The following HHLA1 variants were observed in gnomAD, a reference collection of about 807,000 sequenced individuals.
The protein encoded by HHLA1 is HHLA1 neighbor of OC90, also known as HERV-H LTR-associating protein 1.
Under a neutral mutation model 69.9 loss-of-function variants are expected in HHLA1, and 72 were observed. That is an observed-to-expected ratio of 1.03 (90% CI 0.85 to 1.25). HHLA1 has a LOEUF of 1.25. HHLA1 is among the 50% of genes most tolerant of loss of function. The pLI, the probability that HHLA1 is intolerant of heterozygous loss-of-function variation, is 0.00. For missense variants in HHLA1, 685 were observed against 642.2 expected (o/e 1.07, Z -0.72); for synonymous variants, 252 against 233.2 (o/e 1.08, Z -0.73).
rs115713540 is a variant in HHLA1, at chr8:132,089,929, G to C, written c.449-330C>G. Among the ~76,000 whole-genome samples the C allele has an allele frequency of 4.2e-3, 637 of 152,128 alleles. 3 individuals are homozygous for C. The highest frequency in any genetic ancestry group is 0.015 in the African/African-American group (613 of 41,502). Reference sequence around the variant, plus strand: ...TCTGGCGGCTTTTCCCCATTGTTTCGTCTAATTGTTTTTAGAATGCCAACT... The same window carrying C: ...TCTGGCGGCTTTTCCCCATTGTTTCCTCTAATTGTTTTTAGAATGCCAACT... On this transcript the variant is annotated intron_variant, in intron 7 of 16. Coordinates refer to ENST00000414222, the MANE Select transcript of HHLA1 (RefSeq NM_001145095.3).
chr8:132,068,496 G>C (rs890270647), intron 15 of HHLA1, among the ~76,000 whole-genome samples: 4 of 152,200 alleles, frequency 2.6e-5, no homozygotes, highest in Non-Finnish European at 4.4e-5. Flanking sequence ...GACTGGAAGA[G>C]GCATTTCCTT....
In HHLA1 at chr8:132,071,449, G is replaced by A. The variant is rs1206643627; in HGVS notation, c.1360C>T (p.Pro454Ser). 5 of 1,551,534 alleles carry A rather than the reference G, an allele frequency of 3.2e-6. No individual in the cohort carries two copies. The African/African-American group carries it at 6.8e-5, about 21-fold the overall frequency. Reference sequence around the variant, plus strand: ...AGCCTCTGAATAGCCAGGGTGAGAGGAGCAGCTGCCATAGCTCCCACCTTG... The same window carrying A: ...AGCCTCTGAATAGCCAGGGTGAGAGAAGCAGCTGCCATAGCTCCCACCTTG... Reference protein sequence around the residue: ...LFKVGAMAAAPLTLAIQRLNP... With the variant: ...LFKVGAMAAASLTLAIQRLNP... The change falls in exon 15 of 17, where the codon CCT (proline) becomes TCT (serine). Residue 454 changes from proline to serine, a missense_variant. Coordinates refer to ENST00000414222, the MANE Select transcript of HHLA1 (RefSeq NM_001145095.3).
rs759379935 is a variant in HHLA1, at chr8:132,077,877, C to T, written c.1020G>A (p.Glu340=). The change falls in exon 12 of 17, where the codon GAG becomes GAA. Residue 340 remains glutamate, a synonymous_variant. Transcript: ENST00000414222. ...CCCAGAGAGACCCTCCAGGTTTTTT[C>T]TCACTGATGGTCTGAGCCCAGGGCA... ...SSVPWAQTIS[E]KKPGGSLWET... is the part of the protein sequence containing the mutation. The T allele has an allele frequency of 3.9e-6, 6 of 1,551,420 alleles. No individual in the cohort carries two copies. The Admixed American group carries it at 9.8e-5, about 25-fold the overall frequency.
chr8:132,088,118 G>A (rs1180259120), intron 8 of HHLA1, among the ~76,000 whole-genome samples: 1 of 152,134 alleles, frequency 6.6e-6, no homozygotes, highest in African/African-American at 2.4e-5. Context: ...AGTCTCTGAG[G>A]TCAGCTTCTA....
intron 1 of HHLA1, among the ~76,000 whole-genome samples, chr8:132,108,398 TAG>T (rs1363880318): frequency 6.6e-6 from 1 of 152,186 alleles, no homozygotes; most frequent in African/African-American, 2.4e-5. Flanking sequence ...CTTCATATGA[TAG>T]AGTGAGTCCT....
In HHLA1 at chr8:132,089,592, T is replaced by C; in HGVS notation, c.456A>G (p.Thr152=). The change falls in exon 8 of 17, where the codon ACA becomes ACG. Residue 152 remains threonine, a synonymous_variant. Transcript: ENST00000414222. ...NNRTNDLSDF[T]ALLVDIIGNS... is the part of the protein sequence containing the mutation. ...TGCCGATGATATCTACCAGTAGAGC[T>C]GTAAAATCTGCAAGACAAATTTAGG... 6.8e-7 allele frequency: 1 copy of C among 1,474,958 alleles called. No homozygotes were observed. Among genetic ancestry groups the C allele is most frequent in the South Asian group, 1.2e-5 (1 of 82,458 alleles). The allele number at this position is 1,474,958 out of a possible 1,614,324, so 91.4% of individuals were successfully genotyped here.
chr8:132,068,489 T>G (rs1823477464), intron 15 of HHLA1, among the ~76,000 whole-genome samples: 2 of 152,246 alleles, frequency 1.3e-5, no homozygotes, highest in Non-Finnish European at 1.5e-5. Flanking sequence ...TCACATGGAC[T>G]GGAAGAGGCA....
intron 15 of HHLA1, among the ~76,000 whole-genome samples, chr8:132,069,302 C>G (rs138070906): frequency 1.3e-5 from 2 of 152,306 alleles, no homozygotes; most frequent in African/African-American, 4.8e-5. Flanking sequence ...TGCTACAGCA[C>G]TTGTCAGCTG....
intron 10 of HHLA1, chr8:132,085,503 G>C (rs1440986167): frequency 5.5e-6 from 2 of 365,680 alleles, no homozygotes; most frequent in Non-Finnish European, 1.1e-5. Flanking sequence ...GGAGGACGGG[G>C]ATTGATTTCC....
At chr8:132,067,115 G>T (rs1823454139) in intron 15 of HHLA1, among the ~76,000 whole-genome samples, 1 of 152,190 alleles carries the variant, frequency 6.6e-6, no homozygotes, top group South Asian at 2.1e-4. Flanking sequence ...AGCACAGAGG[G>T]CAATGGCCTT....
chr8:132,084,911 G>A (rs369000148), intron 10 of HHLA1, among the ~76,000 whole-genome samples: 31 of 152,050 alleles, frequency 2.0e-4, no homozygotes, highest in Middle Eastern at 6.9e-3. Flanking sequence ...AGGACTTGCC[G>A]CTAAGGGTGA....
intron 10 of HHLA1, chr8:132,080,650 G>A (rs933887515): frequency 4.1e-4 from 63 of 154,936 alleles, no homozygotes; most frequent in African/African-American, 1.4e-3. Flanking sequence ...GCAAGTCACA[G>A]GGGTTGCGAT....
At chr8:132,090,305 G>C (rs1439803547) in intron 7 of HHLA1, among the ~76,000 whole-genome samples, 1 of 152,162 alleles carries the variant, frequency 6.6e-6, no homozygotes, top group Non-Finnish European at 1.5e-5. Flanking sequence ...TCAAACAGCT[G>C]TCATCTCCTT....
intron 3 of HHLA1, 69 bp from the exon 4 acceptor site, chr8:132,100,203 G>A (rs774798178): frequency 3.4e-6 from 4 of 1,160,766 alleles, no homozygotes; most frequent in South Asian, 1.3e-5. Flanking sequence ...AATGGAAGAA[G>A]CCTTGGAAGC....
In HHLA1 at chr8:132,063,947, G is replaced by A. The variant is rs763523089; in HGVS notation, c.*48C>T. ...CTTGGGACAAGAGCCAGGGTGGATG[G>A]CGTATCCCCTGAAGTAATTGTTATG... On this transcript the variant is annotated 3_prime_UTR_variant, in exon 17 of 17. Transcript: ENST00000414222. The A allele has an allele frequency of 1.4e-5, 15 of 1,110,694 alleles. No homozygotes were observed. The highest frequency in any genetic ancestry group is 1.8e-5 in the Non-Finnish European group (15 of 823,938). 68.8% of individuals were successfully genotyped at this position (1,110,694 alleles called of 1,614,324 possible).
At chr8:132,077,697 G>A (rs1823667883) in intron 12 of HHLA1, 29 bp downstream of exon 12, 7 of 1,541,516 alleles carry the variant, frequency 4.5e-6, no homozygotes, top group South Asian at 1.2e-5. Context: ...TTTAAAACGG[G>A]AGAGGTAGAA....
intron 16 of HHLA1, 142 bp downstream of exon 16, chr8:132,065,744 C>T (rs1296177226): frequency 2.6e-6 from 1 of 383,820 alleles, no homozygotes; most frequent in East Asian, 7.4e-5. Flanking sequence ...AAGAAAAATC[C>T]TAGGTGCTCT....
intron 14 of HHLA1, among the ~76,000 whole-genome samples, chr8:132,073,719 C>G (rs533014017): frequency 6.6e-6 from 1 of 152,182 alleles, no homozygotes. Context: ...CCACCCCATC[C>G]ATCCTTCTCT....
intron 11 of HHLA1, 22 bp from the exon 12 acceptor site, chr8:132,077,993 A>G (rs1586726489): frequency 6.4e-7 from 1 of 1,551,334 alleles, no homozygotes; most frequent in East Asian, 2.4e-5. Context: ...AAGTGACAGT[A>G]ACAGGGTACA....
Sources: gnomAD v4.1 joint callset for allele counts (sites outside exome capture counted in the v4.1 genomes callset) on GRCh38, gnomAD v4.1.1 for gene constraint, MANE v1.5 for transcripts, NCBI Gene and HGNC (gene_info 2026-07-23, HGNC 2026-07-21) for gene names.